ATRX: variants seen among roughly 807,000 people sequenced by gnomAD.
ATRX encodes the protein ATRX chromatin remodeler, also known as chromatin remodeler ATRX.
Under a neutral mutation model 172.6 loss-of-function variants are expected in ATRX, and 12 were observed. The ratio of observed to expected loss-of-function variants is 0.07; its 90% CI spans 0.04 to 0.11. ATRX has a LOEUF of 0.11. ATRX is among the 10% of genes least tolerant of loss of function. The pLI, the probability that ATRX is intolerant of heterozygous loss-of-function variation, is 1.00. For missense variants in ATRX, 1,368 were observed against 1,767.4 expected, an observed-to-expected ratio of 0.77 and a Z score of 4.05; for synonymous variants, 674 against 594.7, an observed-to-expected ratio of 1.13 and a Z score of -1.94.
intron 21 of ATRX, 54 bp downstream of exon 21, chrX:77,618,752 G>A (rs1439895751): frequency 1.9e-6 from 2 of 1,072,887 alleles, no homozygotes; most frequent in African/African-American, 3.7e-5. Context: ...AAATATGTTG[G>A]GATTGTTATA....
intron 1 of ATRX, among the ~76,000 whole-genome samples, chrX:77,746,402 C>T (rs1557184941): frequency 8.9e-6 from 1 of 111,753 alleles, no homozygotes; most frequent in Non-Finnish European, 1.9e-5. Flanking sequence ...AACTAGAGTT[C>T]CTAGTCTGTA....
chrX:77,748,285 T>C (rs1420402239), intron 1 of ATRX, among the ~76,000 whole-genome samples: 8 of 111,743 alleles, frequency 7.2e-5, no homozygotes, highest in African/African-American at 2.3e-4. Context: ...CCACCTTTTA[T>C]GGTATAAAGG....
At chrX:77,582,425 AAGAAG>A (rs1237843087) in intron 27 of ATRX, among the ~76,000 whole-genome samples, 1 of 111,016 alleles carries the variant, frequency 9.0e-6, no homozygotes, top group African/African-American at 3.3e-5. Context: ...AAAAACAAAA[AAGAAG>A]AGAAGAGAAG....
chrX:77,735,454 C>T, intron 1 of ATRX, among the ~76,000 whole-genome samples: 1 of 110,943 alleles, frequency 9.0e-6, no homozygotes, highest in Non-Finnish European at 1.9e-5. Context: ...TTAGCCGGCA[C>T]AGTGACGGAC....
At chrX:77,614,652 A>G (rs888103657) in intron 22 of ATRX, among the ~76,000 whole-genome samples, 1 of 111,821 alleles carries the variant, frequency 8.9e-6, no homozygotes, top group African/African-American at 3.2e-5. Flanking sequence ...CATGCATAGA[A>G]TATGCAATGA....
chrX:77,780,245 T>C (rs991501821), intron 1 of ATRX, among the ~76,000 whole-genome samples: 2 of 111,666 alleles, frequency 1.8e-5, no homozygotes, highest in Admixed American at 1.9e-4. Flanking sequence ...AGAAACTTTA[T>C]CTCACCACTA....
At chrX:77,689,549 AAGACATTGC>A (rs2071770052) in intron 6 of ATRX, among the ~76,000 whole-genome samples, 1 of 112,440 alleles carries the variant, frequency 8.9e-6, no homozygotes, top group Non-Finnish European at 1.9e-5. Context: ...AAAGACAAAC[AAGACATTGC>A]AGGTATATCT....
At chrX:77,766,472 T>C (rs1603333735) in intron 1 of ATRX, among the ~76,000 whole-genome samples, 2 of 102,430 alleles carry the variant, frequency 2.0e-5, no homozygotes, top group African/African-American at 7.3e-5. Flanking sequence ...GACGAGGCGG[T>C]TGCCACGCAG....
rs782217799 is a variant in ATRX, at chrX:77,583,604, G to GA, written c.6217+6229dup. ...TTGACAAAATTCAACATCCCTTTAT[G>GA]AAAAAACACTAAAAAAACTAAGTAC... On this transcript the variant is annotated intron_variant, in intron 27 of 34. Coordinates refer to ENST00000373344, the MANE Select transcript of ATRX (RefSeq NM_000489.6). 7.2e-5 allele frequency among the ~76,000 whole-genome samples: 8 copies of GA among 110,686 alleles called. No homozygotes were observed. The South Asian group carries it at 1.9e-3, about 26-fold the overall frequency.
intron 2 of ATRX, among the ~76,000 whole-genome samples, chrX:77,703,049 T>C (rs1444417780): frequency 2.7e-5 from 3 of 112,758 alleles, no homozygotes; most frequent in Non-Finnish European, 5.6e-5. Flanking sequence ...TTAAACATCC[T>C]TGAGATACAA....
At chrX:77,599,067 T>C (rs782351535) in intron 25 of ATRX, among the ~76,000 whole-genome samples, 1 of 112,189 alleles carries the variant, frequency 8.9e-6, no homozygotes, top group Non-Finnish European at 1.9e-5. Flanking sequence ...TGAATACCAG[T>C]TCTCCTACTC....
chrX:77,759,670 C>T lies in ATRX; in HGVS notation c.20+26312G>A, dbSNP rs782167496. Among the ~76,000 whole-genome samples, 9 of 111,042 alleles carry T rather than the reference C, an allele frequency of 8.1e-5. No homozygotes were observed. In the East Asian group the frequency reaches 2.5e-3, roughly 31 times the overall value. On this transcript the variant is annotated intron_variant, in intron 1 of 34. Coordinates refer to ENST00000373344, the MANE Select transcript of ATRX (RefSeq NM_000489.6). ...CAGCAGCTGCAGTGAGCAAAGATAGCACCACTGCACTCCAGCCTGGGCGAC... is the reference window on the plus strand; with the variant it reads ...CAGCAGCTGCAGTGAGCAAAGATAGTACCACTGCACTCCAGCCTGGGCGAC...
chrX:77,679,467 G>C (rs1203069873), intron 9 of ATRX, among the ~76,000 whole-genome samples: 1 of 111,733 alleles, frequency 8.9e-6, no homozygotes, highest in Non-Finnish European at 1.9e-5. Context: ...CTAGATCAGT[G>C]CTGAGATAAG....
chrX:77,654,055 T>C (rs2069416412), intron 14 of ATRX, 43 bp downstream of exon 14: 1 of 1,050,044 alleles, frequency 9.5e-7, no homozygotes, highest in South Asian at 1.9e-5. Flanking sequence ...CATAGTCTAC[T>C]GTACTGGTTA....
intron 1 of ATRX, among the ~76,000 whole-genome samples, chrX:77,743,624 C>T (rs1216218181): frequency 1.8e-5 from 2 of 111,594 alleles, no homozygotes; most frequent in African/African-American, 6.5e-5. Flanking sequence ...ACCTTACTGG[C>T]CTGGATCTCA....
intron 27 of ATRX, among the ~76,000 whole-genome samples, chrX:77,584,619 A>T (rs782146815): frequency 3.8e-4 from 42 of 111,659 alleles, no homozygotes; most frequent in African/African-American, 1.3e-3. Context: ...GGAGAAAAAA[A>T]CTAGACCCCT....
intron 34 of ATRX, among the ~76,000 whole-genome samples, chrX:77,510,880 G>T (rs1321105686): frequency 8.9e-6 from 1 of 112,868 alleles, no homozygotes; most frequent in Admixed American, 9.3e-5. Flanking sequence ...CAGCCCAGAA[G>T]GGAAGGACAC....
chrX:77,710,941 C>CAA (rs1262353879), intron 2 of ATRX, among the ~76,000 whole-genome samples: 1 of 109,270 alleles, frequency 9.2e-6, no homozygotes, highest in Non-Finnish European at 1.9e-5. Context: ...TTAACACACA[C>CAA]ACACACACAC....
intron 7 of ATRX, among the ~76,000 whole-genome samples, chrX:77,686,536 C>G (rs781902264): frequency 2.1e-4 from 22 of 106,261 alleles, no homozygotes; most frequent in African/African-American, 7.2e-4. Flanking sequence ...GCCAACATGG[C>G]GAAACCCAGT....
Sources: gnomAD v4.1 joint callset for allele counts (sites outside exome capture counted in the v4.1 genomes callset) on GRCh38, gnomAD v4.1.1 for gene constraint, MANE v1.5 for transcripts, NCBI Gene and HGNC (gene_info 2026-07-23, HGNC 2026-07-21) for gene names.